SKP2: variants seen among roughly 807,000 people sequenced by gnomAD.
SKP2 encodes S-phase kinase-associated protein 2.
SKP2 carries 16 observed loss-of-function variants against 51.8 expected under a neutral mutation model. The ratio of observed to expected loss-of-function variants is 0.31; its 90% CI spans 0.21 to 0.47. The LOEUF is 0.47. Ranked by LOEUF, SKP2 falls within the 20% of genes least tolerant of loss-of-function variation. SKP2 has a pLI of 1.00. For synonymous variants in SKP2, 176 were observed against 198.6 expected, an observed-to-expected ratio of 0.89 and a Z score of 0.96; for missense variants, 377 against 505.3, an observed-to-expected ratio of 0.75 and a Z score of 2.43.
Position 36,170,365 on chromosome 5 carries a change from T to A in SKP2, c.693T>A (p.Asn231Lys). ...CCAGTACTCTCGCAAAAAACTCAAA[T>A]TTAGTGCGACTTAACCTTTCTGGGT... ...PIVNTLAKNS[N>K]LVRLNLSGCS... Residue 231 changes from asparagine to lysine, a missense_variant, in exon 6 of 10, where the codon AAT becomes AAA. By Grantham distance (94) the Asn-to-Lys change is moderately conservative. This residue lies in a region of SKP2 where 262 missense variants were observed against 389.8 expected (regional missense o/e 0.67). Coordinates refer to ENST00000274255, the MANE Select transcript of SKP2 (RefSeq NM_005983.4). 1 of 1,612,616 alleles carries A rather than the reference T, an allele frequency of 6.2e-7. No homozygotes were observed. The highest frequency in any genetic ancestry group is 1.3e-5 in the African/African-American group (1 of 74,994).
chr5:36,184,075 T>A lies in SKP2; in HGVS notation c.*2044T>A. The A allele has an allele frequency of 1.1e-6, 1 of 884,118 alleles. No individual in the cohort carries two copies. The highest frequency in any genetic ancestry group is 1.7e-6 in the Non-Finnish European group (1 of 579,020). The allele number at this position is 884,118 out of a possible 1,614,324, so 54.8% of individuals were successfully genotyped here. On this transcript the variant is annotated 3_prime_UTR_variant, in exon 10 of 10. Transcript: ENST00000274255. The stretch of plus-strand genomic sequence containing the variant: ...TATTCCTTTTTTCTTTCTCTTTTTT[T>A]AAGTGCTGTGGTTAAAATTTGAAAG...
In SKP2 at chr5:36,184,079, T is replaced by C; in HGVS notation, c.*2048T>C. On this transcript the variant is annotated 3_prime_UTR_variant, in exon 10 of 10. Transcript: ENST00000274255. ...CCTTTTTTCTTTCTCTTTTTTTAAG[T>C]GCTGTGGTTAAAATTTGAAAGCATT... 1 of 853,258 alleles carries C rather than the reference T, an allele frequency of 1.2e-6. No individual in the cohort carries two copies. The highest frequency in any genetic ancestry group is 1.7e-5 in the African/African-American group (1 of 58,002). 52.9% of individuals were successfully genotyped at this position (853,258 alleles called of 1,614,324 possible). A position where few individuals can be genotyped will look rare whatever the true frequency, so the allele number is the denominator to read the frequency against.
intron 2 of SKP2, among the ~76,000 whole-genome samples, chr5:36,158,155 TTA>T (rs1215114507): frequency 6.6e-6 from 1 of 152,170 alleles, no homozygotes; most frequent in Non-Finnish European, 1.5e-5. Context: ...GGCTCAGTAA[TTA>T]TGTCTTTTAA....
intron 9 of SKP2, among the ~76,000 whole-genome samples, chr5:36,179,449 G>A (rs1197788690): frequency 1.3e-5 from 2 of 152,092 alleles, no homozygotes; most frequent in Admixed American, 6.6e-5. Flanking sequence ...AAACTATAAA[G>A]TTTTCTTCCC....
At chr5:36,175,534 C>G (rs1745604970) in intron 7 of SKP2, among the ~76,000 whole-genome samples, 1 of 152,128 alleles carries the variant, frequency 6.6e-6, no homozygotes, top group East Asian at 1.9e-4. Context: ...ACATGACTTT[C>G]TTCCAAATTC....
chr5:36,180,557 A>C (rs1364598263), intron 9 of SKP2, among the ~76,000 whole-genome samples: 1 of 152,198 alleles, frequency 6.6e-6, no homozygotes, highest in Non-Finnish European at 1.5e-5. Context: ...AGAATGTAGA[A>C]TAAATACATT....
intron 2 of SKP2, chr5:36,155,086 G>A (rs892360428): frequency 1.1e-4 from 16 of 152,186 alleles, no homozygotes; most frequent in African/African-American, 3.9e-4. Flanking sequence ...TTGCAGAAGG[G>A]TTGATAGATT....
At chr5:36,177,054 A>G (rs1402982821) in intron 8 of SKP2, 38 bp downstream of exon 8, 1 of 1,467,948 alleles carries the variant, frequency 6.8e-7, no homozygotes, top group Admixed American at 1.8e-5. Context: ...CAAAAGTTGA[A>G]AAATCTTGAT....
intron 5 of SKP2, among the ~76,000 whole-genome samples, chr5:36,169,620 G>A (rs33666): frequency 0.88 from 133,871 of 152,202 alleles, 59,486 homozygotes; most frequent in Non-Finnish European, 0.94. Context: ...GTGAGAAAAG[G>A]TGAAGTCTGA....
intron 6 of SKP2, among the ~76,000 whole-genome samples, chr5:36,189,745 G>T (rs1015816063): frequency 5.3e-4 from 81 of 152,290 alleles, no homozygotes; most frequent in African/African-American, 1.8e-3. Flanking sequence ...TCTCTTCAAA[G>T]CTGTCAGACA....
At chr5:36,159,994 T>G (rs1432008326) in intron 2 of SKP2, among the ~76,000 whole-genome samples, 1 of 152,202 alleles carries the variant, frequency 6.6e-6, no homozygotes, top group African/African-American at 2.4e-5. Context: ...GAGAGGAATA[T>G]AGAAAAGAAA....
At chr5:36,184,665 A>T (rs541997951), downstream of SKP2, among the ~76,000 whole-genome samples, 4 of 152,142 alleles carry the variant, frequency 2.6e-5, no homozygotes, top group African/African-American at 9.7e-5. Context: ...TCTATCATTG[A>T]TGGACATTTG....
chr5:36,157,412 A>G (rs777245273), intron 2 of SKP2, among the ~76,000 whole-genome samples: 15 of 152,164 alleles, frequency 9.9e-5, no homozygotes, highest in Non-Finnish European at 2.1e-4. Context: ...GAAGGGGTAC[A>G]TGGGGGAATC....
chr5:36,171,889 G>A (rs1369405061), intron 7 of SKP2, among the ~76,000 whole-genome samples, 156 bp downstream of exon 7: 8 of 152,204 alleles, frequency 5.3e-5, no homozygotes, highest in Non-Finnish European at 1.2e-4. Flanking sequence ...TAATCAGAAT[G>A]GTTAGGTAAA....
At position 36,168,438 on chromosome 5, in the gene SKP2, C is replaced by G. The variant is rs1265416935; in HGVS notation, c.662C>G (p.Pro221Arg). The change falls in exon 5 of 10, where the codon CCC becomes CGC. Residue 221 changes from proline to arginine, a missense_variant. Pro to Arg is a moderately radical substitution (Grantham distance 103). Transcript: ENST00000274255. Reference sequence around the variant, plus strand: ...CTGGAAGGCCTGCGGCTTTCGGATCCCATTGTCAAGTGAGTGGCAGGCAGA... The same window carrying G: ...CTGGAAGGCCTGCGGCTTTCGGATCGCATTGTCAAGTGAGTGGCAGGCAGA... ...LSLEGLRLSD[P>R]IVNTLAKNSN... is the part of the protein sequence containing the mutation. 1 of 1,614,156 alleles carries G rather than the reference C, an allele frequency of 6.2e-7. No individual in the cohort carries two copies. The highest frequency in any genetic ancestry group is 1.7e-5 in the Admixed American group (1 of 60,024).
At position 36,177,032 on chromosome 5, in the gene SKP2, T is replaced by A. The variant is rs763737753; in HGVS notation, c.953+16T>A. 2 of 1,553,052 alleles carry A rather than the reference T, an allele frequency of 1.3e-6. No homozygotes were observed. The highest frequency in any genetic ancestry group is 1.8e-6 in the Non-Finnish European group (2 of 1,132,818). ...TAGACTTAAGGTATTTTTTTATTTG[T>A]TTATTTTAGATCAAAAGTTGAAAAA... On this transcript the variant is annotated intron_variant, in intron 8 of 9. Transcript: ENST00000274255.
At chr5:36,191,191 G>A (rs781063790) in intron 6 of SKP2, among the ~76,000 whole-genome samples, 1 of 152,098 alleles carries the variant, frequency 6.6e-6, no homozygotes, top group Non-Finnish European at 1.5e-5. Context: ...TAGACCAGGG[G>A]TGATTTTCCC....
At chr5:36,187,232 T>G (rs1745964266), downstream of SKP2, among the ~76,000 whole-genome samples, 2 of 152,218 alleles carry the variant, frequency 1.3e-5, no homozygotes, top group African/African-American at 2.4e-5. Context: ...TGTGTCTGTC[T>G]CCTTCAATTC....
At chr5:36,161,462 G>C (rs756347781) in intron 2 of SKP2, among the ~76,000 whole-genome samples, 2 of 152,102 alleles carry the variant, frequency 1.3e-5, no homozygotes, top group African/African-American at 4.8e-5. Flanking sequence ...ATAGTAGTTG[G>C]AGGCAAGCAC....
Sources: allele counts gnomAD v4.1 joint callset (sites outside exome capture counted in the v4.1 genomes callset), GRCh38; gene constraint gnomAD v4.1.1; regional missense constraint gnomAD v4.1.1; transcripts MANE v1.5; gene names NCBI Gene and HGNC (gene_info 2026-07-23, HGNC 2026-07-21).